The following SMC6 variants were observed in gnomAD, a reference collection of about 807,000 sequenced individuals.
SMC6 encodes structural maintenance of chromosomes 6, also known as structural maintenance of chromosomes protein 6.
Under a neutral mutation model 142.2 loss-of-function variants are expected in SMC6, and 79 were observed. The ratio of observed to expected loss-of-function variants is 0.56; its 90% confidence interval spans 0.46 to 0.67. The LOEUF is 0.67. Among genes scored for constraint, SMC6 ranks in the 30% least tolerant of loss-of-function variants. The pLI is 0.00. For synonymous variants in SMC6, 411 were observed against 412.4 expected (o/e 1.00, Z 0.04); for missense variants, 1,072 against 1,284.0 (o/e 0.83, Z 2.52).
chr2:17,683,788 T>TA (rs1326245256), intron 23 of SMC6, 25 bp from the exon 24 acceptor site: 2 of 1,593,706 alleles, frequency 1.3e-6, no homozygotes, highest in Non-Finnish European at 1.7e-6. Context: ...AAATATTACG[T>TA]AAAAAATACA....
At chr2:17,724,762 AACCT>A (rs1207637576) in intron 9 of SMC6, among the ~76,000 whole-genome samples, 3 of 152,230 alleles carry the variant, frequency 2.0e-5, no homozygotes, top group Non-Finnish European at 2.9e-5. Flanking sequence ...AGCTGCTACT[AACCT>A]ACCAGTTGCT....
intron 18 of SMC6, among the ~76,000 whole-genome samples, chr2:17,704,099 CA>C (rs1182614837): frequency 1.4e-3 from 189 of 132,798 alleles, no homozygotes; most frequent in African/African-American, 1.5e-3. Flanking sequence ...GATGTAACTC[CA>C]AAAAAAAAAA....
At position 17,710,643 on chromosome 2, in the gene SMC6, A is replaced by G. The variant is rs1378678450; in HGVS notation, c.1731-1890T>C. On this transcript the variant is annotated intron_variant, in intron 16 of 27. Coordinates refer to ENST00000448223, the MANE Select transcript of SMC6 (RefSeq NM_001142286.2). ...GAGTGAGGTCCTTGGGCCAAGTGAA[A>G]AAGTGTTTCAGGAAGAATGAAAGGA... is the stretch of plus-strand genomic sequence containing the variant. Among the ~76,000 whole-genome samples the G allele has an allele frequency of 2.0e-5, 3 of 152,166 alleles. No homozygotes were observed. The East Asian group carries it at 5.8e-4, about 29-fold the overall frequency.
chr2:17,685,423 T>C (rs1301639983), intron 23 of SMC6, among the ~76,000 whole-genome samples: 1 of 152,116 alleles, frequency 6.6e-6, no homozygotes, highest in Non-Finnish European at 1.5e-5. Context: ...GGATTTTATA[T>C]TAGGTGAAAC....
chr2:17,727,701 T>C (rs917216201), intron 7 of SMC6, among the ~76,000 whole-genome samples: 1 of 152,184 alleles, frequency 6.6e-6, no homozygotes, highest in Non-Finnish European at 1.5e-5. Flanking sequence ...TCAGTTTACA[T>C]GTTAAAAATA....
Position 17,678,906 on chromosome 2 carries a change from A to C in SMC6, c.2863T>G (p.Cys955Gly). ...FDNLLSQRAY[C>G]GKMNFDHKNE... ...TTGTGGTCAAAATTCATTTTTCCAC[A>C]ATAGGCCCGCTGAGATAGTAAGTTG... Residue 955 changes from cysteine (C) to glycine (G), a missense_variant, in exon 25 of 28, where the codon TGT becomes GGT. Transcript: ENST00000448223. 1 of 1,612,866 alleles carries C rather than the reference A, an allele frequency of 6.2e-7. No individual in the cohort carries two copies. Among genetic ancestry groups the C allele is most frequent in the Non-Finnish European group, 8.5e-7 (1 of 1,179,412 alleles).
Position 17,715,061 on chromosome 2 carries a change from A to T in SMC6, c.1530T>A (p.Ala510=), listed in dbSNP as rs749318382. ...FTYKPVGPLG[A]CIHLRDPELA... Reference sequence around the variant, plus strand: ...GTTCTGGGTCCCGAAGATGAATGCAAGCTCCTAAAAGTGAGAGAAAATTAC... The same window carrying T: ...GTTCTGGGTCCCGAAGATGAATGCATGCTCCTAAAAGTGAGAGAAAATTAC... The change falls in exon 16 of 28, where the codon GCT becomes GCA. Residue 510 remains alanine, a synonymous_variant. Transcript: ENST00000448223. 3 of 1,610,720 alleles carry T rather than the reference A, an allele frequency of 1.9e-6. No individual in the cohort carries two copies. Among genetic ancestry groups the T allele is most frequent in the Non-Finnish European group, 1.7e-6 (2 of 1,179,332 alleles).
chr2:17,707,194 C>T (rs777809931), intron 18 of SMC6, 25 bp downstream of exon 18: 4 of 1,491,008 alleles, frequency 2.7e-6, no homozygotes, highest in East Asian at 5.1e-5. Flanking sequence ...GGGAATGATA[C>T]AGTAAAGCTA....
In SMC6 at chr2:17,678,981, T is replaced by A. The variant is rs748281862; in HGVS notation, c.2805-17A>T. 17 of 1,571,344 alleles carry A rather than the reference T, an allele frequency of 1.1e-5. No homozygotes were observed. In the African/African-American group the frequency reaches 1.8e-4, roughly 16 times the overall value. ...GTCAAACACCTTGAAATTTAAAAAT[T>A]AGGCACATTAAAAAGAGGGCAAAGG... On this transcript the variant is annotated splice_polypyrimidine_tract_variant and intron_variant, in intron 24 of 27. Transcript: ENST00000448223.
Position 17,703,146 on chromosome 2 carries a change from TA to T in SMC6, c.2142+10del, listed in dbSNP as rs765668723. The T allele has an allele frequency of 2.3e-5, 31 of 1,332,442 alleles. No homozygotes were observed. The African/African-American group carries it at 4.4e-4, about 19-fold the overall frequency. 82.5% of individuals were successfully genotyped at this position (1,332,442 alleles called of 1,614,324 possible). On this transcript the variant is annotated intron_variant, in intron 19 of 27. Transcript: ENST00000448223. ...AAAACAAAAGAAGGTTTATTATTAT[TA>T]TTTTTTTACCTTTAGTTCTTTATAA...
Position 17,670,478 on chromosome 2 carries a change from A to T in SMC6, c.3008T>A (p.Leu1003Gln). 1 of 1,613,762 alleles carries T rather than the reference A, an allele frequency of 6.2e-7. No homozygotes were observed. Among genetic ancestry groups the T allele is most frequent in the Non-Finnish European group, 8.5e-7 (1 of 1,179,848 alleles). ...GAAAGGAGATTCTGCGATGGACCAC[A>T]GGGAAAGAATAAAACACACTGTGGA... ...SFSTVCFILS[L>Q]WSIAESPFRC... Residue 1003 changes from leucine to glutamine, a missense_variant, in exon 26 of 28, where the codon CTG (leucine) becomes CAG (glutamine). Leu to Gln is a moderately radical substitution (Grantham distance 113, BLOSUM62 -2). Transcript: ENST00000448223.
rs1666389376 is a variant in SMC6, at chr2:17,664,060, T to C, written c.*1439A>G. 1 of 152,228 alleles carries C rather than the reference T, an allele frequency of 6.6e-6. No homozygotes were observed. Among genetic ancestry groups the C allele is most frequent in the South Asian group, 2.1e-4 (1 of 4,830 alleles). The allele number at this position is 152,228 out of a possible 1,614,324, so 9.4% of individuals were successfully genotyped here. ...TATGAAAGAGCACAACATTCAAAAC[T>C]ACAACAAAATTCAGACATGAGTTCC... On this transcript the variant is annotated 3_prime_UTR_variant, in exon 28 of 28. Transcript: ENST00000448223.
At chr2:17,705,277 T>TA (rs1467716673) in intron 18 of SMC6, among the ~76,000 whole-genome samples, 2 of 145,792 alleles carry the variant, frequency 1.4e-5, no homozygotes, top group East Asian at 2.1e-4. Context: ...AAATTAAAAT[T>TA]AAAAAAATAA....
At chr2:17,725,498 C>T (rs572891353) in intron 8 of SMC6, 140 bp from the exon 9 acceptor site, 1 of 565,674 alleles carries the variant, frequency 1.8e-6, no homozygotes, top group Non-Finnish European at 3.0e-6. Flanking sequence ...AGCAATCACA[C>T]AAACACAAAA....
At chr2:17,739,859 C>T (rs1250916550) in intron 4 of SMC6, among the ~76,000 whole-genome samples, 1 of 142,006 alleles carries the variant, frequency 7.0e-6, no homozygotes, top group African/African-American at 2.7e-5. Flanking sequence ...CACACACACA[C>T]ACACACAGAG....
Position 17,664,235 on chromosome 2 carries a change from T to G in SMC6, c.*1264A>C, listed in dbSNP as rs1482653578. 6.6e-6 allele frequency: 1 copy of G among 152,216 alleles called. No homozygotes were observed. Among genetic ancestry groups the G allele is most frequent in the Non-Finnish European group, 1.5e-5 (1 of 68,042 alleles). The allele number at this position is 152,216 out of a possible 1,614,324, so 9.4% of individuals were successfully genotyped here. On this transcript the variant is annotated 3_prime_UTR_variant, in exon 28 of 28. Transcript: ENST00000448223. ...GATCAGTGGGAAATGTTTAAAATAT[T>G]CAGCACACACTTTCCTCCTCCTGGA...
At chr2:17,736,862 A>G (rs1192115453) in intron 5 of SMC6, among the ~76,000 whole-genome samples, 1 of 139,220 alleles carries the variant, frequency 7.2e-6, no homozygotes, top group African/African-American at 2.7e-5. Context: ...ACAGAGTGAG[A>G]CTCTGTCTCA....
chr2:17,709,867 G>C (rs1447003101), intron 16 of SMC6, among the ~76,000 whole-genome samples: 1 of 152,142 alleles, frequency 6.6e-6, no homozygotes, highest in Non-Finnish European at 1.5e-5. Context: ...CAGACAGAGG[G>C]AAGAGCAATC....
chr2:17,711,077 T>C (rs1668803841), intron 16 of SMC6, among the ~76,000 whole-genome samples: 2 of 152,092 alleles, frequency 1.3e-5, no homozygotes, highest in African/African-American at 2.4e-5. Context: ...TCTGGTGAAA[T>C]GTAGACTCTC....
Sources: allele counts gnomAD v4.1 joint callset (sites outside exome capture counted in the v4.1 genomes callset), GRCh38; gene constraint gnomAD v4.1.1; transcripts MANE v1.5; gene names NCBI Gene and HGNC (gene_info 2026-07-23, HGNC 2026-07-21).